CUL1: variants seen among roughly 807,000 people sequenced by gnomAD.
CUL1 encodes cullin 1.
A neutral mutation model predicts 118.0 loss-of-function variants in CUL1; 24 were observed. That is an observed-to-expected ratio of 0.20 (90% CI 0.15 to 0.29). The LOEUF is 0.29. CUL1 is among the 10% of genes least tolerant of loss of function. The pLI is 1.00. For missense variants in CUL1, 361 were observed against 933.8 expected (o/e 0.39, Z 7.99); for synonymous variants, 332 against 340.4 (o/e 0.98, Z 0.27).
rs1478819424 is a variant in CUL1 at position 148,760,619 on chromosome 7, T to C, written c.789+123T>C. The C allele has an allele frequency of 4.3e-6, 3 of 703,034 alleles. No homozygotes were observed. The Admixed American group carries it at 9.1e-5, about 21-fold the overall frequency. 43.5% of individuals were successfully genotyped at this position (703,034 alleles called of 1,614,324 possible). ...TGTTGGGCATTGTTTTTCTAGAGTGTTTTTATCAGGTGCAAGTGCTTCTCC... is the reference window on the plus strand; with the variant it reads ...TGTTGGGCATTGTTTTTCTAGAGTGCTTTTATCAGGTGCAAGTGCTTCTCC... On this transcript the variant is annotated intron_variant, in intron 7 of 21. Coordinates refer to ENST00000325222, the MANE Select transcript of CUL1 (RefSeq NM_003592.3).
chr7:148,778,750 T>G (rs578140565), intron 9 of CUL1, among the ~76,000 whole-genome samples: 1 of 152,314 alleles, frequency 6.6e-6, no homozygotes, highest in African/African-American at 2.4e-5. Flanking sequence ...ATCTGCTCTC[T>G]TTAGCCCCTG....
intron 2 of CUL1, among the ~76,000 whole-genome samples, chr7:148,736,587 A>C (rs1404316609): frequency 1.3e-5 from 2 of 152,174 alleles, no homozygotes; most frequent in Non-Finnish European, 2.9e-5. Flanking sequence ...ATAGGCATGA[A>C]CCACACAAGC....
intron 2 of CUL1, among the ~76,000 whole-genome samples, chr7:148,730,954 G>A (rs1158472270): frequency 1.3e-5 from 2 of 152,092 alleles, no homozygotes; most frequent in African/African-American, 4.8e-5. Context: ...TGGGACCACA[G>A]ACACGTGCCA....
chr7:148,791,789 C>T (rs1315165199), intron 16 of CUL1, among the ~76,000 whole-genome samples: 2 of 152,186 alleles, frequency 1.3e-5, no homozygotes, highest in Admixed American at 6.5e-5. Flanking sequence ...TTGTTGCTGT[C>T]GATTATGCAA....
rs144509297 is a variant in CUL1, at chr7:148,748,613, A to G, written c.141-5363A>G. ...TTGGTAATTAATAAGCAGACAAATC[A>G]GAAACAATATAGAAGATCTGAAAAA... On this transcript the variant is annotated intron_variant, in intron 2 of 21. Coordinates refer to ENST00000325222, the MANE Select transcript of CUL1 (RefSeq NM_003592.3). 4.5e-3 allele frequency among the ~76,000 whole-genome samples: 678 copies of G among 152,348 alleles called. 6 individuals are homozygous for G. The highest frequency in any genetic ancestry group is 0.016 in the African/African-American group (656 of 41,578).
At chr7:148,711,199 C>T (rs1385489682) in intron 1 of CUL1, among the ~76,000 whole-genome samples, 3 of 152,196 alleles carry the variant, frequency 2.0e-5, no homozygotes, top group Non-Finnish European at 2.9e-5. Context: ...TGTTTCTCCT[C>T]ATACTCTCTC....
chr7:148,772,118 C>T (rs894578480), intron 9 of CUL1, among the ~76,000 whole-genome samples: 3 of 152,126 alleles, frequency 2.0e-5, no homozygotes, highest in Non-Finnish European at 2.9e-5. Context: ...ATTGAAAATA[C>T]TGTCACACAT....
chr7:148,720,282 G>A (rs560519634), intron 1 of CUL1, among the ~76,000 whole-genome samples: 2 of 152,296 alleles, frequency 1.3e-5, no homozygotes, highest in African/African-American at 2.4e-5. Flanking sequence ...TGGAGGGGAC[G>A]AGGCCAGTGA....
intron 2 of CUL1, 29 bp downstream of exon 2, chr7:148,730,291 G>A: frequency 6.3e-7 from 1 of 1,575,260 alleles, no homozygotes; most frequent in Non-Finnish European, 8.6e-7. Context: ...CAGGTTGATT[G>A]CTTAGAGTTT....
intron 9 of CUL1, among the ~76,000 whole-genome samples, chr7:148,777,249 G>C (rs1470565913): frequency 6.6e-6 from 1 of 152,110 alleles, no homozygotes; most frequent in Admixed American, 6.5e-5. Context: ...ATCCAAAGGT[G>C]ACAATGAGAT....
intron 2 of CUL1, among the ~76,000 whole-genome samples, chr7:148,739,719 A>G (rs899326019): frequency 1.3e-5 from 2 of 152,170 alleles, no homozygotes; most frequent in Non-Finnish European, 2.9e-5. Context: ...GGGTGAGCAA[A>G]TGTTTACTTT....
At chr7:148,763,440 A>G (rs1247658324) in intron 7 of CUL1, among the ~76,000 whole-genome samples, 1 of 152,188 alleles carries the variant, frequency 6.6e-6, no homozygotes, top group Non-Finnish European at 1.5e-5. Flanking sequence ...TTCTGCTCTC[A>G]TCCTATAGCC....
intron 1 of CUL1, among the ~76,000 whole-genome samples, chr7:148,699,325 G>T (rs1225212770): frequency 6.6e-6 from 1 of 151,736 alleles, no homozygotes; most frequent in African/African-American, 2.4e-5. Flanking sequence ...GATTCATCGC[G>T]CCTGGAGGCG....
chr7:148,719,209 G>GC (rs1211846233), intron 1 of CUL1, among the ~76,000 whole-genome samples: 3 of 152,126 alleles, frequency 2.0e-5, no homozygotes, highest in Non-Finnish European at 4.4e-5. Flanking sequence ...TACTCGGGAG[G>GC]CTGAGGCAGG....
chr7:148,750,664 C>A (rs1563158685), intron 2 of CUL1, among the ~76,000 whole-genome samples: 1 of 152,082 alleles, frequency 6.6e-6, no homozygotes, highest in Non-Finnish European at 1.5e-5. Context: ...TATTCCATGC[C>A]ACCTAGGATT....
Position 148,787,425 on chromosome 7 carries a change from A to G in CUL1, c.1479+305A>G, listed in dbSNP as rs370885584. 6.6e-6 allele frequency among the ~76,000 whole-genome samples: 1 copy of G among 152,054 alleles called. No homozygotes were observed. The highest frequency in any genetic ancestry group is 6.5e-5 in the Admixed American group (1 of 15,270). On this transcript the variant is annotated intron_variant, in intron 13 of 21. Transcript: ENST00000325222. This position sits in a 1 kb window ranked among gnomAD's most constrained non-coding sequence, Gnocchi z 5.5. ...TGCGGTGAGCCGAGATCACACCACTACACTCCAGCCTGGGCAACAGAGTGA... is the reference window on the plus strand; with the variant it reads ...TGCGGTGAGCCGAGATCACACCACTGCACTCCAGCCTGGGCAACAGAGTGA...
chr7:148,749,415 C>CAAAAAAAAAAA (rs61460309), intron 2 of CUL1, among the ~76,000 whole-genome samples: 33 of 56,380 alleles, frequency 5.9e-4, no homozygotes, highest in Non-Finnish European at 8.1e-4. Context: ...GACTCCATCT[C>CAAAAAAAAAAA]AAAAAAAAAA....
intron 1 of CUL1, among the ~76,000 whole-genome samples, chr7:148,715,008 C>G (rs1333696567): frequency 1.3e-5 from 2 of 152,306 alleles, no homozygotes; most frequent in Admixed American, 1.3e-4. Context: ...GCCTCAGCCT[C>G]CCAAGTTGTA....
chr7:148,722,264 T>C (rs1301871039), intron 1 of CUL1, among the ~76,000 whole-genome samples: 1 of 152,176 alleles, frequency 6.6e-6, no homozygotes, highest in Non-Finnish European at 1.5e-5. Context: ...TCAGGTCATC[T>C]TTCTGTCATC....
Sources: gnomAD v4.1 joint callset for allele counts (sites outside exome capture counted in the v4.1 genomes callset) on GRCh38, gnomAD v4.1.1 for gene constraint, Gnocchi (gnomAD v3.1) non-coding constraint, MANE v1.5 for transcripts, NCBI Gene and HGNC (gene_info 2026-07-23, HGNC 2026-07-21) for gene names.